RGS10: variants seen among roughly 807,000 people sequenced by gnomAD.
RGS10 encodes regulator of G-protein signalling 10.
In RGS10, 11 loss-of-function variants were observed where a neutral mutation model predicts 23.5. The observed-to-expected ratio is 0.47, with a 90% confidence interval of 0.29 to 0.77. The LOEUF is 0.77. RGS10 is among the 30% of genes least tolerant of loss of function. The pLI is 0.08. For synonymous variants in RGS10, 77 were observed against 83.2 expected (o/e 0.92, Z 0.41); for missense variants, 180 against 226.3 (o/e 0.80, Z 1.31).
intron 1 of RGS10, among the ~76,000 whole-genome samples, chr10:119,537,182 C>T (rs370960217): frequency 2.0e-5 from 3 of 151,996 alleles, no homozygotes; most frequent in Admixed American, 6.6e-5. Context: ...CACCTGAGGT[C>T]GGGAGTTTGA....
chr10:119,532,802 T>C (rs919813736), intron 1 of RGS10, among the ~76,000 whole-genome samples: 1 of 151,060 alleles, frequency 6.6e-6, no homozygotes, highest in African/African-American at 2.4e-5. Flanking sequence ...GATGGCACCA[T>C]TGCACTCCAG....
Position 119,524,268 on chromosome 10 carries a change from G to A in RGS10, c.255+1764C>T, listed in dbSNP as rs748751849. 3.9e-5 allele frequency among the ~76,000 whole-genome samples: 6 copies of A among 152,140 alleles called. No individual in the cohort carries two copies. Among genetic ancestry groups the A allele is most frequent in the Non-Finnish European group, 5.9e-5 (4 of 68,034 alleles). On this transcript the variant is annotated intron_variant, in intron 3 of 4. Coordinates refer to ENST00000369103, the MANE Select transcript of RGS10 (RefSeq NM_001005339.2). This position sits in a 1 kb window ranked among gnomAD's most constrained non-coding sequence, Gnocchi z 5.2. ...CAAGCAGGCACTTCACAAAGATTTG[G>A]GGAATTCAACTGAACGGAGGCACAG...
chr10:119,534,749 G>C (rs1844369713), intron 1 of RGS10, among the ~76,000 whole-genome samples: 1 of 151,468 alleles, frequency 6.6e-6, no homozygotes, highest in Admixed American at 6.6e-5. Context: ...AATTAGCCAG[G>C]TGTGGTGGTG....
intron 4 of RGS10, among the ~76,000 whole-genome samples, chr10:119,501,275 T>C (rs1454003036): frequency 6.6e-6 from 1 of 152,056 alleles, no homozygotes; most frequent in Non-Finnish European, 1.5e-5. Flanking sequence ...AAAATCCACA[T>C]GGTTCACCCT....
intron 1 of RGS10, among the ~76,000 whole-genome samples, chr10:119,534,590 CAAAA>C (rs561361616): frequency 1.4e-5 from 1 of 72,964 alleles, no homozygotes; most frequent in African/African-American, 6.1e-5. Flanking sequence ...GACTCTGTCT[CAAAA>C]AAAAAAAAAA....
rs961074811 is a variant in RGS10, at chr10:119,517,600, G to A, written c.256-1948C>T. Among the ~76,000 whole-genome samples, 4 of 152,222 alleles carry A rather than the reference G, an allele frequency of 2.6e-5. No individual in the cohort carries two copies. The highest frequency in any genetic ancestry group is 5.9e-5 in the Non-Finnish European group (4 of 68,040). The stretch of plus-strand genomic sequence containing the variant: ...AAAGGAGAATTTCGGCCAGGCAGAT[G>A]AGCAAACTCCATGCAGAGGTCTGGG... On this transcript the variant is annotated intron_variant, in intron 3 of 4. Coordinates refer to ENST00000369103, the MANE Select transcript of RGS10 (RefSeq NM_001005339.2). The surrounding 1 kb of genome is among the most constrained non-coding windows in gnomAD (Gnocchi z 5.0).
chr10:119,506,889 C>G (rs910611147), intron 4 of RGS10, among the ~76,000 whole-genome samples: 1 of 152,044 alleles, frequency 6.6e-6, no homozygotes, highest in Non-Finnish European at 1.5e-5. Flanking sequence ...TTAGTAGAGA[C>G]GGGGTTTCAC....
At chr10:119,506,452 C>T (rs1346770439) in intron 4 of RGS10, among the ~76,000 whole-genome samples, 1 of 152,216 alleles carries the variant, frequency 6.6e-6, no homozygotes, top group African/African-American at 2.4e-5. Context: ...TGGACACCAG[C>T]GGGATCAGAG....
At chr10:119,521,627 A>AAAGTAAGG (rs1554858033) in intron 3 of RGS10, among the ~76,000 whole-genome samples, 1 of 119,856 alleles carries the variant, frequency 8.3e-6, no homozygotes. Context: ...GGAAGGAAAG[A>AAAGTAAGG]AAGGAAGGAA....
At chr10:119,503,968 A>G (rs936998144) in intron 4 of RGS10, among the ~76,000 whole-genome samples, 2 of 152,160 alleles carry the variant, frequency 1.3e-5, no homozygotes, top group Non-Finnish European at 2.9e-5. Context: ...TTCAGCCCAT[A>G]ACAGTGAGCA....
intron 4 of RGS10, among the ~76,000 whole-genome samples, chr10:119,512,644 C>T (rs984671486): frequency 6.6e-6 from 1 of 152,114 alleles, no homozygotes; most frequent in Non-Finnish European, 1.5e-5. Context: ...GCCTCCCAGG[C>T]TTAAGCAGTT....
intron 1 of RGS10, among the ~76,000 whole-genome samples, chr10:119,533,039 C>CAA (rs537478454): frequency 0.011 from 1,189 of 103,468 alleles, 33 homozygotes; most frequent in African/African-American, 0.036. Flanking sequence ...GACGCTGTCT[C>CAA]AAAAAAAAAA....
chr10:119,522,890 T>G (rs533645698), intron 3 of RGS10, among the ~76,000 whole-genome samples: 78 of 151,784 alleles, frequency 5.1e-4, no homozygotes, highest in East Asian at 7.7e-4. Flanking sequence ...TCTTTTTTTT[T>G]TTGTTGAGAC....
At position 119,538,273 on chromosome 10, in the gene RGS10, G is replaced by C. The variant is rs1237433534; in HGVS notation, c.49+4317C>G. Among the ~76,000 whole-genome samples the C allele has an allele frequency of 2.0e-5, 3 of 152,212 alleles. No homozygotes were observed. Among genetic ancestry groups the C allele is most frequent in the Non-Finnish European group, 4.4e-5 (3 of 68,046 alleles). ...TGGTTGTTGTGTTTAGGTGGCCGTGGACTTGGGTCCAAGACTTGAGTTCTC... is the reference window on the plus strand; with the variant it reads ...TGGTTGTTGTGTTTAGGTGGCCGTGCACTTGGGTCCAAGACTTGAGTTCTC... On this transcript the variant is annotated intron_variant, in intron 1 of 4. Transcript: ENST00000369103. The surrounding 1 kb of genome is among the most constrained non-coding windows in gnomAD (Gnocchi z 4.5).
Position 119,538,102 on chromosome 10 carries a change from C to T in RGS10, c.49+4488G>A, listed in dbSNP as rs897220775. 3.4e-4 allele frequency among the ~76,000 whole-genome samples: 51 copies of T among 151,082 alleles called. 2 individuals are homozygous for T. Among genetic ancestry groups the T allele is most frequent in the African/African-American group, 1.2e-3 (50 of 40,806 alleles). On this transcript the variant is annotated intron_variant, in intron 1 of 4. Coordinates refer to ENST00000369103, the MANE Select transcript of RGS10 (RefSeq NM_001005339.2). The surrounding 1 kb of genome is among the most constrained non-coding windows in gnomAD (Gnocchi z 4.5). ...TGATGGCTTTGTTTGTTTCTAATGTCCTGACTACAGAAAAGAAGGAAGGGA... is the reference window on the plus strand; with the variant it reads ...TGATGGCTTTGTTTGTTTCTAATGTTCTGACTACAGAAAAGAAGGAAGGGA...
chr10:119,501,214 T>TTC (rs1183544910), intron 4 of RGS10, among the ~76,000 whole-genome samples: 1 of 152,016 alleles, frequency 6.6e-6, no homozygotes, highest in South Asian at 2.1e-4. Context: ...CACCCCTCAT[T>TTC]TCTCTCTCTC....
intron 4 of RGS10, among the ~76,000 whole-genome samples, chr10:119,506,349 G>C (rs779990106): frequency 6.6e-6 from 1 of 152,238 alleles, no homozygotes; most frequent in Non-Finnish European, 1.5e-5. Context: ...CACACAGAAG[G>C]CTCTGTCGCC....
At chr10:119,510,589 T>A (rs1371359240) in intron 4 of RGS10, among the ~76,000 whole-genome samples, 1 of 152,182 alleles carries the variant, frequency 6.6e-6, no homozygotes, top group Non-Finnish European at 1.5e-5. Flanking sequence ...TACACACAGT[T>A]CCTAGCACAG....
At chr10:119,503,565 C>A (rs1377378953) in intron 4 of RGS10, among the ~76,000 whole-genome samples, 3 of 152,176 alleles carry the variant, frequency 2.0e-5, no homozygotes, top group Non-Finnish European at 4.4e-5. Context: ...TGCCCTCCAG[C>A]CCTGCGCTGG....
Sources: gnomAD v4.1 joint callset for allele counts (sites outside exome capture counted in the v4.1 genomes callset) on GRCh38, gnomAD v4.1.1 for gene constraint, Gnocchi (gnomAD v3.1) non-coding constraint, MANE v1.5 for transcripts, NCBI Gene and HGNC (gene_info 2026-07-23, HGNC 2026-07-21) for gene names.